Variants in UIMC1 observed in about 807,000 individuals in gnomAD.
The protein encoded by UIMC1 is BRCA1-A complex subunit RAP80.
A neutral mutation model predicts 84.9 loss-of-function variants in UIMC1; 42 were observed. The observed-to-expected ratio is 0.49, with a 90% CI of 0.39 to 0.64. The LOEUF (loss-of-function observed/expected upper bound fraction) is 0.64, where lower values mean the gene tolerates loss of function less well. Ranked by LOEUF, UIMC1 falls within the 30% of genes least tolerant of loss-of-function variation. UIMC1 has a pLI of 0.00. For synonymous variants in UIMC1, 281 were observed against 293.0 expected (o/e 0.96, Z 0.42); for missense variants, 825 against 847.6 (o/e 0.97, Z 0.33).
At chr5:176,986,129 G>A (rs1055934346) in intron 1 of UIMC1, among the ~76,000 whole-genome samples, 18 of 151,412 alleles carry the variant, frequency 1.2e-4, no homozygotes, top group South Asian at 4.2e-4. Flanking sequence ...GAAGGCCGTC[G>A]TGGGCTGATC....
intron 10 of UIMC1, chr5:176,919,109 G>T: frequency 6.8e-6 from 2 of 295,646 alleles, no homozygotes; most frequent in Non-Finnish European, 6.7e-6. Context: ...TAACTTCACT[G>T]AGATATATTC....
Position 176,968,906 on chromosome 5 carries a change from G to A in UIMC1, c.849C>T (p.Cys283=). 5.0e-6 allele frequency: 8 copies of A among 1,614,122 alleles called. No homozygotes were observed. Among genetic ancestry groups the A allele is most frequent in the Non-Finnish European group, 6.8e-6 (8 of 1,179,992 alleles). ...ACTGGTTAGGGTCTACTCCATCAGG[G>A]CAGAATGGAATACCCCAGAAATAGT... ...TVNYFWGIPF[C]PDGVDPNQYT... Residue 283 remains cysteine, a synonymous_variant, in exon 6 of 15, where the codon TGC becomes TGT. Transcript: ENST00000511320.
intron 6 of UIMC1, among the ~76,000 whole-genome samples, chr5:176,968,277 C>G (rs1448322287): frequency 6.6e-6 from 1 of 151,590 alleles, no homozygotes; most frequent in East Asian, 1.9e-4. Context: ...AAGGCTGAGG[C>G]AGGAGAACTG....
At chr5:176,916,000 A>G (rs1043420274) in intron 10 of UIMC1, among the ~76,000 whole-genome samples, 4 of 152,196 alleles carry the variant, frequency 2.6e-5, no homozygotes, top group Admixed American at 1.3e-4. Flanking sequence ...ATAGATGGTT[A>G]GGACTATACG....
At position 177,013,361 on chromosome 5, in the gene UIMC1, A is replaced by AACACACACACAC. The variant is rs6149367; in HGVS notation, c.-9+9091_-9+9102dup. ...GGACAACAGAGCAAGACTGCATCCA[A>AACACACACACAC]ACACACACACACACACACACACACA... On this transcript the variant is annotated intron_variant, in intron 1 of 5. Coordinates refer to the UIMC1 transcript ENST00000509236. Among the ~76,000 whole-genome samples, 512 of 137,814 alleles carry AACACACACACAC rather than the reference A, an allele frequency of 3.7e-3. 4 individuals carry two copies. The highest frequency in any genetic ancestry group is 7.2e-3 in the African/African-American group (267 of 36,904). 90.4% of individuals were successfully genotyped at this position (137,814 alleles called of 152,430 possible).
intron 1 of UIMC1, among the ~76,000 whole-genome samples, chr5:176,991,575 A>C (rs78802808): frequency 0.042 from 6,116 of 146,822 alleles, 306 homozygotes; most frequent in Middle Eastern, 0.12. Flanking sequence ...AAAATTAGCC[A>C]GGCATGGTGG....
chr5:176,958,249 T>C, intron 6 of UIMC1, 95 bp from the exon 7 acceptor site: 2 of 987,492 alleles, frequency 2.0e-6, no homozygotes, highest in Non-Finnish European at 3.0e-6. Context: ...ATGTTCTCCC[T>C]CAACAATTAA....
intron 1 of UIMC1, among the ~76,000 whole-genome samples, chr5:176,986,380 AAAAAAAAG>A (rs1329007806): frequency 2.0e-5 from 3 of 147,716 alleles, no homozygotes; most frequent in African/African-American, 7.6e-5. Flanking sequence ...AAAAAAAAAA[AAAAAAAAG>A]TAAGGCACAC....
At chr5:176,943,303 G>GT (rs1397224053) in intron 10 of UIMC1, 32 bp downstream of exon 10, 8 of 1,603,164 alleles carry the variant, frequency 5.0e-6, no homozygotes, top group Non-Finnish European at 6.8e-6. Context: ...ACACAAAAAA[G>GT]TAAGAGTTTG....
chr5:176,985,833 T>C (rs1166553068), intron 1 of UIMC1, among the ~76,000 whole-genome samples: 2 of 152,180 alleles, frequency 1.3e-5, no homozygotes, highest in Non-Finnish European at 2.9e-5. Flanking sequence ...GTTAAGATTT[T>C]TTAAATACCA....
chr5:177,022,242 C>CT (rs1413435475), intron 1 of UIMC1, among the ~76,000 whole-genome samples: 3 of 152,098 alleles, frequency 2.0e-5, no homozygotes, highest in African/African-American at 7.2e-5. Context: ...GGTCCGGAGT[C>CT]TCGGGGAAGA....
chr5:176,912,239 T>C (rs984359305), intron 10 of UIMC1, among the ~76,000 whole-genome samples: 4 of 152,228 alleles, frequency 2.6e-5, no homozygotes, highest in African/African-American at 2.4e-5. Flanking sequence ...GTAGGACATA[T>C]GGTCTCTGTC....
intron 1 of UIMC1, among the ~76,000 whole-genome samples, chr5:177,017,240 GC>G (rs1276108548): frequency 6.6e-6 from 1 of 152,036 alleles, no homozygotes; most frequent in Non-Finnish European, 1.5e-5. Flanking sequence ...CTAATCTGTG[GC>G]CACCTCTAAT....
chr5:176,912,365 C>T (rs986062315), intron 10 of UIMC1, among the ~76,000 whole-genome samples: 2 of 152,124 alleles, frequency 1.3e-5, no homozygotes, highest in African/African-American at 2.4e-5. Context: ...TAGATTTGAC[C>T]CATGGCTGGC....
intron 9 of UIMC1, among the ~76,000 whole-genome samples, chr5:176,950,800 G>A (rs968371652): frequency 6.6e-6 from 1 of 151,996 alleles, no homozygotes; most frequent in South Asian, 2.1e-4. Flanking sequence ...GACCAGGAAG[G>A]CAGAGGTTGC....
At chr5:176,924,618 CT>C (rs1183504533) in intron 10 of UIMC1, among the ~76,000 whole-genome samples, 1 of 151,960 alleles carries the variant, frequency 6.6e-6, no homozygotes, top group East Asian at 1.9e-4. Flanking sequence ...ACCTCATCCC[CT>C]AACTCACACC....
Position 176,968,546 on chromosome 5 carries a change from G to A in UIMC1, c.1200+9C>T, listed in dbSNP as rs199621602. On this transcript the variant is annotated intron_variant, in intron 6 of 14. Transcript: ENST00000511320. ...AATCATCCTTAATTACAGCATCACT[G>A]ACCCTTACCTGACCATGACTGGTTG... is the stretch of plus-strand genomic sequence containing the variant. 498 of 1,588,884 alleles carry A rather than the reference G, an allele frequency of 3.1e-4. 2 individuals carry two copies. The highest frequency in any genetic ancestry group is 6.7e-5 in the Non-Finnish European group (78 of 1,170,520).
At chr5:177,015,085 A>G (rs1775643780) in intron 1 of UIMC1, among the ~76,000 whole-genome samples, 1 of 152,154 alleles carries the variant, frequency 6.6e-6, no homozygotes, top group South Asian at 2.1e-4. Flanking sequence ...ATACATCAGT[A>G]TGTTAAATTA....
intron 10 of UIMC1, among the ~76,000 whole-genome samples, chr5:176,933,354 T>C (rs945902017): frequency 2.0e-5 from 3 of 152,216 alleles, no homozygotes; most frequent in African/African-American, 4.8e-5. Context: ...TGAAATGCCA[T>C]TGGTTACTAT....
Sources: gnomAD v4.1 joint callset for allele counts (sites outside exome capture counted in the v4.1 genomes callset) on GRCh38, gnomAD v4.1.1 for gene constraint, MANE v1.5 for transcripts, NCBI Gene and HGNC (gene_info 2026-07-23, HGNC 2026-07-21) for gene names.